Variants in DPF3 observed in about 807,000 individuals in gnomAD.
DPF3 encodes double PHD fingers 3.
Under a neutral mutation model 56.8 loss-of-function variants are expected in DPF3, and 18 were observed. That is an observed-to-expected ratio of 0.32 (90% CI 0.22 to 0.47). The LOEUF (loss-of-function observed/expected upper bound fraction) is 0.47, where lower values mean the gene tolerates loss of function less well. DPF3 is among the 20% of genes least tolerant of loss of function. DPF3 has a pLI of 1.00. For missense variants in DPF3, 403 were observed against 488.8 expected, an observed-to-expected ratio of 0.82 and a Z score of 1.65; for synonymous variants, 188 against 180.2, an observed-to-expected ratio of 1.04 and a Z score of -0.35.
At chr14:72,892,124 G>T in intron 1 of DPF3, 2 of 1,526,108 alleles carry the variant, frequency 1.3e-6, no homozygotes, top group East Asian at 2.5e-5. Context: ...ACTAGGGTAC[G>T]GCTTTCCCAG....
chr14:72,883,434 G>A (rs887584686), intron 1 of DPF3, among the ~76,000 whole-genome samples: 2 of 152,148 alleles, frequency 1.3e-5, no homozygotes, highest in African/African-American at 4.8e-5. Context: ...TCCAGCCTGG[G>A]TGACAGAGTG....
intron 1 of DPF3, among the ~76,000 whole-genome samples, chr14:72,842,577 G>A (rs562202780): frequency 4.1e-4 from 62 of 152,272 alleles, no homozygotes; most frequent in African/African-American, 1.3e-3. Context: ...GAAGGGGCAC[G>A]GCTAGGCTTC....
At chr14:72,805,023 T>C (rs1417493357) in intron 1 of DPF3, among the ~76,000 whole-genome samples, 2 of 101,174 alleles carry the variant, frequency 2.0e-5, no homozygotes, top group African/African-American at 7.5e-5. Flanking sequence ...CTTCCTACTG[T>C]GTAAAACGAG....
intron 1 of DPF3, among the ~76,000 whole-genome samples, chr14:72,852,735 G>A (rs767786387): frequency 6.6e-6 from 1 of 152,052 alleles, no homozygotes; most frequent in African/African-American, 2.4e-5. Context: ...CACATCGTCC[G>A]TGTTGACTGC....
intron 8 of DPF3, among the ~76,000 whole-genome samples, chr14:72,656,956 T>A (rs1886078181): frequency 6.6e-6 from 1 of 152,182 alleles, no homozygotes; most frequent in Non-Finnish European, 1.5e-5. Context: ...GTGCAACTAG[T>A]AAGAAGGTTT....
chr14:72,772,024 G>T, intron 1 of DPF3, 131 bp from the exon 2 acceptor site: 1 of 986,544 alleles, frequency 1.0e-6, no homozygotes, highest in Non-Finnish European at 1.3e-6. Flanking sequence ...CCAAGGCAAT[G>T]AGCACCAAGA....
chr14:72,611,146 A>ACCG lies in DPF3; in HGVS notation c.*8150_*8151insCGG. Among the ~76,000 whole-genome samples the ACCG allele has an allele frequency of 6.6e-6, 1 of 151,994 alleles. No homozygotes were observed. The highest frequency in any genetic ancestry group is 1.9e-4 in the East Asian group (1 of 5,146). On this transcript the variant is annotated 3_prime_UTR_variant, in exon 11 of 11. Transcript: ENST00000556509. ...CACAGAGAAGCTATAGCTCTGAGCC[A>ACCG]ACATCCACACATGGACAGATACACA...
intron 8 of DPF3, among the ~76,000 whole-genome samples, chr14:72,643,150 CA>C (rs1203936659): frequency 6.6e-6 from 1 of 152,204 alleles, no homozygotes; most frequent in Non-Finnish European, 1.5e-5. Context: ...CTAGGATGGC[CA>C]ACCCAAAAGT....
rs528573712 is a variant in DPF3, at chr14:72,736,249, C to A, written c.302-4315G>T. Among the ~76,000 whole-genome samples the A allele has an allele frequency of 1.6e-4, 24 of 152,244 alleles. 1 individual carries two copies. The highest frequency in any genetic ancestry group is 5.8e-4 in the African/African-American group (24 of 41,520). On this transcript the variant is annotated intron_variant, in intron 3 of 10. Transcript: ENST00000556509. ...AAATATGGACGCAAAATTTTACATT[C>A]TTTTATCTGCATTGTCTTCAAAGTC...
At chr14:72,781,282 A>T (rs1248542669) in intron 1 of DPF3, among the ~76,000 whole-genome samples, 1 of 152,222 alleles carries the variant, frequency 6.6e-6, no homozygotes, top group Admixed American at 6.5e-5. Flanking sequence ...AAATTGCCAA[A>T]AGCCCTGGTC....
chr14:72,701,551 C>CG (rs1368699440), intron 6 of DPF3, among the ~76,000 whole-genome samples: 1 of 152,058 alleles, frequency 6.6e-6, no homozygotes, highest in African/African-American at 2.4e-5. Context: ...GGGCGGGGGT[C>CG]GGGGGGAGCA....
chr14:72,836,005 C>G, intron 1 of DPF3: 1 of 979,452 alleles, frequency 1.0e-6, no homozygotes, highest in South Asian at 4.7e-5. Context: ...CCCAGACATC[C>G]CGAGGGCCAG....
At position 72,616,008 on chromosome 14, in the gene DPF3, C is replaced by T. The variant is rs1264837297; in HGVS notation, c.*3289G>A. 6.6e-6 allele frequency among the ~76,000 whole-genome samples: 1 copy of T among 152,196 alleles called. No homozygotes were observed. Among genetic ancestry groups the T allele is most frequent in the African/African-American group, 2.4e-5 (1 of 41,460 alleles). ...TCCCAGCATTTGAGCCGGAAGACAA[C>T]CACATCATTATCTCCATTTGGTGGC... On this transcript the variant is annotated 3_prime_UTR_variant, in exon 11 of 11. Transcript: ENST00000556509.
rs531943268 is a variant in DPF3, at chr14:72,709,898, A to G, written c.604+4525T>C. On this transcript the variant is annotated intron_variant, in intron 6 of 10. Transcript: ENST00000556509. ...GCACCTACTCACAGGAATTAAGACC[A>G]TGATTCAGAAAACACTTCGAGGAAA... Among the ~76,000 whole-genome samples, 16 of 152,350 alleles carry G rather than the reference A, an allele frequency of 1.1e-4. No individual in the cohort carries two copies. In the South Asian group the frequency reaches 2.7e-3, roughly 26 times the overall value.
intron 3 of DPF3, among the ~76,000 whole-genome samples, chr14:72,746,894 C>T (rs1224276560): frequency 3.9e-5 from 6 of 152,252 alleles, no homozygotes; most frequent in African/African-American, 1.4e-4. Context: ...CCTTTCCCTT[C>T]CCCTCACATG....
intron 8 of DPF3, among the ~76,000 whole-genome samples, chr14:72,663,249 C>G (rs1171460968): frequency 1.3e-5 from 2 of 151,930 alleles, no homozygotes; most frequent in African/African-American, 4.8e-5. Flanking sequence ...CAGAAAGGAC[C>G]TTTATGATGT....
At chr14:72,758,578 T>C (rs572616586) in intron 2 of DPF3, among the ~76,000 whole-genome samples, 4 of 152,192 alleles carry the variant, frequency 2.6e-5, no homozygotes, top group African/African-American at 7.2e-5. Context: ...GTGAGGAAAC[T>C]AGATAGGACT....
chr14:72,633,714 GGAAA>G (rs1885292448), intron 8 of DPF3, among the ~76,000 whole-genome samples: 1 of 152,174 alleles, frequency 6.6e-6, no homozygotes, highest in African/African-American at 2.4e-5. Flanking sequence ...TCCCAAGGAA[GGAAA>G]GTCAGCACAT....
intron 9 of DPF3, 148 bp downstream of exon 9, chr14:72,629,476 C>A (rs140315655): frequency 6.2e-6 from 4 of 645,724 alleles, no homozygotes; most frequent in African/African-American, 1.8e-5. Flanking sequence ...GTCTCTGAGC[C>A]CTCAAGGGCT....
Sources: allele counts gnomAD v4.1 joint callset (sites outside exome capture counted in the v4.1 genomes callset), GRCh38; gene constraint gnomAD v4.1.1; transcripts MANE v1.5; gene names NCBI Gene and HGNC (gene_info 2026-07-23, HGNC 2026-07-21).